The following YAP1 variants were observed in gnomAD, a reference collection of about 807,000 sequenced individuals.
YAP1 encodes the protein Yes1 associated transcriptional regulator.
A neutral mutation model predicts 56.9 loss-of-function variants in YAP1; 5 were observed. That is an observed-to-expected ratio of 0.09 (90% confidence interval 0.05 to 0.18). The LOEUF (loss-of-function observed/expected upper bound fraction) is 0.18. Among genes scored for constraint, YAP1 ranks in the 10% least tolerant of loss-of-function variants. YAP1 has a pLI of 1.00. For synonymous variants in YAP1, 265 were observed against 248.1 expected (o/e 1.07, Z -0.64); for missense variants, 539 against 651.8 (o/e 0.83, Z 1.88).
chr11:102,135,542 C>G (rs566458234), intron 2 of YAP1, among the ~76,000 whole-genome samples: 7 of 152,274 alleles, frequency 4.6e-5, no homozygotes, highest in African/African-American at 9.6e-5. Flanking sequence ...GCATTGCGGT[C>G]TGAAGGCAGT....
chr11:102,209,676 A>C (rs1436700226), intron 6 of YAP1, 112 bp downstream of exon 6: 16 of 987,486 alleles, frequency 1.6e-5, no homozygotes, highest in Non-Finnish European at 2.1e-5. Flanking sequence ...TAGCCCAGAG[A>C]ATAACTTTGA....
At chr11:102,192,735 C>T (rs1181241740) in intron 4 of YAP1, among the ~76,000 whole-genome samples, 1 of 152,190 alleles carries the variant, frequency 6.6e-6, no homozygotes, top group Non-Finnish European at 1.5e-5. Flanking sequence ...TTCTCAATAG[C>T]CTTTTTGATT....
chr11:102,129,020 T>C (rs1026053524), intron 2 of YAP1, among the ~76,000 whole-genome samples: 1 of 152,168 alleles, frequency 6.6e-6, no homozygotes, highest in African/African-American at 2.4e-5. Context: ...CACTGTCTCT[T>C]TCTTTCTCTC....
chr11:102,217,971 G>T (rs1159823000), intron 6 of YAP1, among the ~76,000 whole-genome samples: 1 of 152,270 alleles, frequency 6.6e-6, no homozygotes, highest in African/African-American at 2.4e-5. Context: ...AAAGTGCTGG[G>T]ATTACAGGTG....
intron 3 of YAP1, among the ~76,000 whole-genome samples, chr11:102,170,530 G>A (rs10791566): frequency 0.47 from 71,613 of 151,936 alleles, 18,090 homozygotes; most frequent in Middle Eastern, 0.59. Flanking sequence ...TCTAAAAAGG[G>A]GGAAACATAT....
At chr11:102,111,939 T>G (rs897183925) in intron 1 of YAP1, among the ~76,000 whole-genome samples, 1 of 152,292 alleles carries the variant, frequency 6.6e-6, no homozygotes, top group African/African-American at 2.4e-5. Flanking sequence ...TTTATGGAGT[T>G]CTTTCACCCC....
intron 2 of YAP1, among the ~76,000 whole-genome samples, chr11:102,116,992 A>T (rs1214544482): frequency 1.3e-5 from 2 of 152,202 alleles, no homozygotes; most frequent in Non-Finnish European, 2.9e-5. Flanking sequence ...TATGAACATT[A>T]TGCAATTTGG....
intron 4 of YAP1, among the ~76,000 whole-genome samples, chr11:102,190,627 A>C (rs1253868511): frequency 6.6e-6 from 1 of 150,472 alleles, no homozygotes; most frequent in East Asian, 2.0e-4. Context: ...GTCTCAAAAA[A>C]TTAAGAATAA....
Position 102,162,482 on chromosome 11 carries a change from A to G in YAP1, c.599A>G (p.Gln200Arg). The G allele has an allele frequency of 6.2e-7, 1 of 1,614,178 alleles. No homozygotes were observed. Among genetic ancestry groups the G allele is most frequent in the Non-Finnish European group, 8.5e-7 (1 of 1,180,010 alleles). The part of the protein sequence containing the change: ...LNHIDQTTTW[Q>R]DPRKAMLSQM... The stretch of plus-strand genomic sequence containing the variant: ...CACATCGATCAGACAACAACATGGC[A>G]GGACCCCAGGAAGGCCATGCTGTCC... Residue 200 changes from glutamine to arginine, a missense_variant, in exon 3 of 9, where the codon CAG (glutamine) becomes CGG (arginine). By Grantham distance (43) the Gln-to-Arg change is conservative. Coordinates refer to ENST00000282441, the MANE Select transcript of YAP1 (RefSeq NM_001130145.3).
chr11:102,196,399 G>T (rs1391172569), intron 4 of YAP1, among the ~76,000 whole-genome samples: 1 of 152,186 alleles, frequency 6.6e-6, no homozygotes, highest in Non-Finnish European at 1.5e-5. Flanking sequence ...AGGGAATGCA[G>T]TGCTTGATAC....
intron 3 of YAP1, among the ~76,000 whole-genome samples, chr11:102,178,802 G>C (rs1947416016): frequency 2.0e-5 from 3 of 152,142 alleles, no homozygotes; most frequent in African/African-American, 7.2e-5. Context: ...TATAAAGAAA[G>C]GTTTAATTTG....
Position 102,201,107 on chromosome 11 carries a change from A to T in YAP1, c.803-4786A>T, listed in dbSNP as rs1309478188. ...CCCAAAGATATAGTAGCAGAAATAC[A>T]AAATTATGTATGAGCATATTCTGTA... On this transcript the variant is annotated intron_variant, in intron 4 of 8. Transcript: ENST00000282441. Among the ~76,000 whole-genome samples the T allele has an allele frequency of 1.3e-5, 2 of 152,244 alleles. 1 individual carries two copies.
At chr11:102,198,185 G>A (rs1016074899) in intron 4 of YAP1, among the ~76,000 whole-genome samples, 3 of 152,094 alleles carry the variant, frequency 2.0e-5, no homozygotes, top group Non-Finnish European at 4.4e-5. Flanking sequence ...CTGTGGACTG[G>A]TTCTTCCTTC....
intron 2 of YAP1, among the ~76,000 whole-genome samples, chr11:102,140,417 A>G (rs950791572): frequency 3.9e-5 from 6 of 152,230 alleles, no homozygotes; most frequent in African/African-American, 7.2e-5. Flanking sequence ...TGGGCATTCT[A>G]TAAAAGAGAA....
At chr11:102,123,006 G>GT (rs1382471277) in intron 2 of YAP1, among the ~76,000 whole-genome samples, 6 of 151,214 alleles carry the variant, frequency 4.0e-5, no homozygotes, top group Non-Finnish European at 5.9e-5. Context: ...CCTTCTAGGT[G>GT]TTTTTTCCGC....
intron 4 of YAP1, among the ~76,000 whole-genome samples, chr11:102,187,622 T>C (rs2135516318): frequency 6.6e-6 from 1 of 152,292 alleles, no homozygotes; most frequent in East Asian, 1.9e-4. Context: ...CATAAGGTTA[T>C]GAAAGATGAT....
At chr11:102,216,569 C>G (rs1192480250) in intron 6 of YAP1, among the ~76,000 whole-genome samples, 1 of 152,056 alleles carries the variant, frequency 6.6e-6, no homozygotes, top group African/African-American at 2.4e-5. Context: ...TGGCATAGCT[C>G]TTTTGTAGAC....
chr11:102,119,420 A>G (rs759153269), intron 2 of YAP1, among the ~76,000 whole-genome samples: 44 of 152,192 alleles, frequency 2.9e-4, no homozygotes, highest in Admixed American at 4.6e-4. Flanking sequence ...CAAAGAACAG[A>G]CTGTCACTTG....
At chr11:102,220,808 A>G (rs907097040) in intron 6 of YAP1, among the ~76,000 whole-genome samples, 1 of 152,222 alleles carries the variant, frequency 6.6e-6, no homozygotes, top group Non-Finnish European at 1.5e-5. Context: ...GAGGGAATTA[A>G]TGATTGAAAT....
Sources: gnomAD v4.1 joint callset for allele counts (sites outside exome capture counted in the v4.1 genomes callset) on GRCh38, gnomAD v4.1.1 for gene constraint, MANE v1.5 for transcripts, NCBI Gene and HGNC (gene_info 2026-07-23, HGNC 2026-07-21) for gene names.